RGS10: variants seen among roughly 807,000 people sequenced by gnomAD.
RGS10 encodes the protein regulator of G protein signaling 10.
A neutral mutation model predicts 23.5 loss-of-function variants in RGS10; 11 were observed. The observed-to-expected ratio is 0.47, with a 90% CI of 0.29 to 0.77. The LOEUF (loss-of-function observed/expected upper bound fraction) is 0.77, where lower values mean the gene tolerates loss of function less well. Among genes scored for constraint, RGS10 ranks in the 30% least tolerant of loss-of-function variants. The probability of loss-of-function intolerance (pLI) is 0.08; values close to 1 mark genes in which losing one functional copy is unlikely to be tolerated. For missense variants in RGS10, 180 were observed against 226.3 expected (o/e 0.80, Z 1.31); for synonymous variants, 77 against 83.2 (o/e 0.92, Z 0.41).
At chr10:119,540,098 G>C (rs1844423049) in intron 1 of RGS10, among the ~76,000 whole-genome samples, 2 of 151,870 alleles carry the variant, frequency 1.3e-5, no homozygotes, top group African/African-American at 4.8e-5. Context: ...GACCAGTCAG[G>C]CAAGAACTTA....
At chr10:119,533,120 G>A (rs920619493) in intron 1 of RGS10, among the ~76,000 whole-genome samples, 2 of 150,834 alleles carry the variant, frequency 1.3e-5, no homozygotes, top group African/African-American at 4.9e-5. Context: ...CACTTTAGGA[G>A]GCTGAGGCAG....
chr10:119,531,327 A>G (rs1001251881), intron 1 of RGS10, among the ~76,000 whole-genome samples: 21 of 152,216 alleles, frequency 1.4e-4, no homozygotes, highest in African/African-American at 5.1e-4. Flanking sequence ...CACTTTGGCC[A>G]TAAGTTTTCA....
chr10:119,522,191 G>C (rs914825412), intron 3 of RGS10, among the ~76,000 whole-genome samples: 3 of 152,228 alleles, frequency 2.0e-5, no homozygotes, highest in African/African-American at 7.2e-5. Flanking sequence ...CCACACAGAA[G>C]ACGGACAAGT....
intron 1 of RGS10, among the ~76,000 whole-genome samples, chr10:119,531,123 A>C (rs919502215): frequency 4.6e-5 from 7 of 152,186 alleles, no homozygotes; most frequent in Non-Finnish European, 1.0e-4. Flanking sequence ...TATTACAAGA[A>C]ATTTCTGCAG....
intron 1 of RGS10, among the ~76,000 whole-genome samples, chr10:119,535,377 T>C (rs1844377055): frequency 6.6e-6 from 1 of 152,198 alleles, no homozygotes; most frequent in Non-Finnish European, 1.5e-5. Flanking sequence ...ATGTGGCTTC[T>C]GGCGTCAGTA....
chr10:119,542,462 G>T, intron 1 of RGS10, 128 bp downstream of exon 1: 2 of 741,022 alleles, frequency 2.7e-6, no homozygotes, highest in Non-Finnish European at 3.8e-6. Flanking sequence ...GAGAGGTGGT[G>T]CGGTCGGCCG....
chr10:119,541,490 C>T lies in RGS10; in HGVS notation c.49+1100G>A, dbSNP rs1844434434. Among the ~76,000 whole-genome samples the T allele has an allele frequency of 2.0e-5, 3 of 152,142 alleles. No individual in the cohort carries two copies. The South Asian group carries it at 6.2e-4, about 31-fold the overall frequency. On this transcript the variant is annotated intron_variant, in intron 1 of 4. Transcript: ENST00000369103. The stretch of plus-strand genomic sequence containing the variant: ...CTACTGTTATTCCCACTGTGCAGAA[C>T]CTCATTCTGCAGAAAGGTCCCACGG...
chr10:119,510,387 C>T (rs1458437932), intron 4 of RGS10, among the ~76,000 whole-genome samples: 1 of 152,128 alleles, frequency 6.6e-6, no homozygotes, highest in East Asian at 1.9e-4. Context: ...TGGAAGGTCC[C>T]GGCTCCCAGG....
At chr10:119,540,964 C>A (rs1027683128) in intron 1 of RGS10, among the ~76,000 whole-genome samples, 9 of 152,090 alleles carry the variant, frequency 5.9e-5, no homozygotes, top group Admixed American at 3.3e-4. Flanking sequence ...CAAAATGAAG[C>A]CTTCATTTTT....
chr10:119,530,056 C>T (rs761107783), intron 1 of RGS10, among the ~76,000 whole-genome samples: 97 of 152,334 alleles, frequency 6.4e-4, no homozygotes, highest in Admixed American at 1.1e-3. Flanking sequence ...TGCACCACTG[C>T]ACTCCAGCCT....
In RGS10 at chr10:119,501,763, C is replaced by T. The variant is rs569571702; in HGVS notation, c.400-1504G>A. On this transcript the variant is annotated intron_variant, in intron 4 of 4. Transcript: ENST00000369103. Reference sequence around the variant, plus strand: ...AAATAAAAATTAAAAATAAAACAAACATCTGAGGGACTCAAAGGACTCAGA... The same window carrying T: ...AAATAAAAATTAAAAATAAAACAAATATCTGAGGGACTCAAAGGACTCAGA... Among the ~76,000 whole-genome samples, 8 of 152,136 alleles carry T rather than the reference C, an allele frequency of 5.3e-5. No homozygotes were observed. The East Asian group carries it at 1.5e-3, about 29-fold the overall frequency.
chr10:119,512,245 C>T (rs372723779), intron 4 of RGS10, among the ~76,000 whole-genome samples: 2 of 152,198 alleles, frequency 1.3e-5, no homozygotes, highest in African/African-American at 2.4e-5. Flanking sequence ...GCGGGAGAGG[C>T]TTTTGAAAGT....
chr10:119,500,314 T>C (rs1843937641), intron 4 of RGS10, 55 bp from the exon 5 acceptor site: 1 of 1,520,692 alleles, frequency 6.6e-7, no homozygotes. Flanking sequence ...AGGCCATAAA[T>C]CATCCCATCA....
intron 1 of RGS10, among the ~76,000 whole-genome samples, chr10:119,533,853 T>C (rs1844356789): frequency 6.6e-6 from 1 of 152,246 alleles, no homozygotes; most frequent in African/African-American, 2.4e-5. Context: ...TCTTAGCTCC[T>C]GGGCTCTTTA....
At chr10:119,534,540 G>A (rs536797934) in intron 1 of RGS10, among the ~76,000 whole-genome samples, 7 of 139,480 alleles carry the variant, frequency 5.0e-5, no homozygotes, top group Non-Finnish European at 1.1e-4. Flanking sequence ...GCAGTCAGCC[G>A]AGATCGTGCC....
At chr10:119,521,721 G>GA (rs34525549) in intron 3 of RGS10, among the ~76,000 whole-genome samples, 13 of 136,556 alleles carry the variant, frequency 9.5e-5, no homozygotes, top group African/African-American at 2.4e-4. Context: ...GGGAAAAAAA[G>GA]AAAAAAAAAA....
chr10:119,502,085 T>G (rs1343912039), intron 4 of RGS10, among the ~76,000 whole-genome samples: 2 of 152,056 alleles, frequency 1.3e-5, no homozygotes, highest in African/African-American at 2.4e-5. Flanking sequence ...ATCTATCTTG[T>G]AGCCATCCTG....
At chr10:119,525,462 T>A (rs1047651810) in intron 3 of RGS10, among the ~76,000 whole-genome samples, 2 of 152,126 alleles carry the variant, frequency 1.3e-5, no homozygotes, top group Non-Finnish European at 2.9e-5. Context: ...CCAGGCCTCA[T>A]AAACCCACCC....
intron 1 of RGS10, among the ~76,000 whole-genome samples, chr10:119,537,567 G>A (rs1432360104): frequency 6.6e-6 from 1 of 152,146 alleles, no homozygotes; most frequent in African/African-American, 2.4e-5. Context: ...GGATGAGCTG[G>A]GATGCAACCC....
Sources: gnomAD v4.1 joint callset for allele counts (sites outside exome capture counted in the v4.1 genomes callset) on GRCh38, gnomAD v4.1.1 for gene constraint, MANE v1.5 for transcripts, NCBI Gene and HGNC (gene_info 2026-07-23, HGNC 2026-07-21) for gene names.